Variants in GABRB2 observed in about 807,000 individuals in gnomAD.
GABRB2 encodes gamma-aminobutyric acid receptor subunit beta-2.
GABRB2 carries 16 observed loss-of-function variants against 54.7 expected under a neutral mutation model. The observed-to-expected ratio is 0.29, with a 90% CI of 0.20 to 0.44. The LOEUF (loss-of-function observed/expected upper bound fraction) is 0.44. GABRB2 is among the 20% of genes least tolerant of loss of function. The pLI is 1.00. For synonymous variants in GABRB2, 244 were observed against 233.8 expected (o/e 1.04, Z -0.40); for missense variants, 355 against 644.0 (o/e 0.55, Z 4.86).
chr5:161,495,671 G>C (rs184592443), intron 3 of GABRB2, among the ~76,000 whole-genome samples: 21 of 152,120 alleles, frequency 1.4e-4, no homozygotes, highest in African/African-American at 4.8e-4. Context: ...AGATTTCTTT[G>C]CTAGTATTTG....
chr5:161,355,538 ATTGT>A lies in GABRB2; in HGVS notation c.542-18773_542-18770del, dbSNP rs374101861. Among the ~76,000 whole-genome samples, 1,168 of 151,990 alleles carry A rather than the reference ATTGT, an allele frequency of 7.7e-3. 15 individuals are homozygous for A. The highest frequency in any genetic ancestry group is 0.02 in the Middle Eastern group (6 of 294). ...ATTGCATATATATAACATCTGTGAC[ATTGT>A]TTGGAGGACAGTAGGTGCCTCATAA... is the stretch of plus-strand genomic sequence containing the variant. On this transcript the variant is annotated intron_variant, in intron 5 of 9. Transcript: ENST00000393959.
intron 5 of GABRB2, among the ~76,000 whole-genome samples, chr5:161,365,684 G>A (rs1307933834): frequency 2.0e-5 from 3 of 152,078 alleles, no homozygotes; most frequent in Non-Finnish European, 4.4e-5. Flanking sequence ...TAAGATATCT[G>A]CTCCAATCAA....
At chr5:161,400,373 G>A (rs545771374) in intron 5 of GABRB2, among the ~76,000 whole-genome samples, 3 of 152,224 alleles carry the variant, frequency 2.0e-5, no homozygotes, top group Non-Finnish European at 2.9e-5. Context: ...GCAGGATGAC[G>A]GCATTGCTGG....
At chr5:161,358,053 TAAG>T (rs1288713716) in intron 5 of GABRB2, among the ~76,000 whole-genome samples, 1 of 152,186 alleles carries the variant, frequency 6.6e-6, no homozygotes, top group African/African-American at 2.4e-5. Flanking sequence ...GAATGCAGAT[TAAG>T]AAGAAGACCA....
At chr5:161,518,813 T>C (rs531446675) in intron 3 of GABRB2, among the ~76,000 whole-genome samples, 4 of 152,304 alleles carry the variant, frequency 2.6e-5, no homozygotes, top group East Asian at 1.9e-4. Context: ...AAAAGACATA[T>C]GACAAACTGC....
intron 5 of GABRB2, among the ~76,000 whole-genome samples, chr5:161,381,275 C>T (rs1360955383): frequency 6.6e-6 from 1 of 152,164 alleles, no homozygotes; most frequent in African/African-American, 2.4e-5. Context: ...GTGTAACACA[C>T]TGAGTATAAC....
intron 3 of GABRB2, among the ~76,000 whole-genome samples, chr5:161,511,417 G>A (rs1007790904): frequency 9.9e-5 from 15 of 151,942 alleles, no homozygotes; most frequent in African/African-American, 3.6e-4. Context: ...CACATAAACT[G>A]TTCTTATTAA....
intron 9 of GABRB2, among the ~76,000 whole-genome samples, chr5:161,305,557 T>C (rs1757666008): frequency 6.6e-6 from 1 of 152,158 alleles, no homozygotes; most frequent in African/African-American, 2.4e-5. Flanking sequence ...CTTGTTCTAG[T>C]TTAATTTTCA....
intron 3 of GABRB2, among the ~76,000 whole-genome samples, chr5:161,526,139 A>G (rs1052984043): frequency 6.6e-5 from 10 of 151,474 alleles, no homozygotes; most frequent in African/African-American, 1.9e-4. Flanking sequence ...ATATTTTGAG[A>G]TAATTTCTGG....
rs572205273 is a variant in GABRB2, at chr5:161,358,173, A to C, written c.542-21404T>G. ...AAGTAAGGTAAGAAGGAAACCTATT[A>C]AGAGTATGGTCAATAAAATCAAAGA... On this transcript the variant is annotated intron_variant, in intron 5 of 9. Coordinates refer to ENST00000393959, the MANE Select transcript of GABRB2 (RefSeq NM_001371727.1). Among the ~76,000 whole-genome samples the C allele has an allele frequency of 3.3e-5, 5 of 152,330 alleles. No homozygotes were observed. The East Asian group carries it at 9.6e-4, about 29-fold the overall frequency.
At chr5:161,362,757 C>T (rs1404495847) in intron 5 of GABRB2, among the ~76,000 whole-genome samples, 2 of 151,998 alleles carry the variant, frequency 1.3e-5, no homozygotes, top group African/African-American at 2.4e-5. Context: ...ATTTATGCAG[C>T]CAACAAACAT....
At chr5:161,435,502 A>T (rs1238304953) in intron 4 of GABRB2, among the ~76,000 whole-genome samples, 1 of 152,172 alleles carries the variant, frequency 6.6e-6, no homozygotes, top group African/African-American at 2.4e-5. Context: ...TAATTATAGG[A>T]TATTTTTTTC....
intron 5 of GABRB2, among the ~76,000 whole-genome samples, chr5:161,407,271 G>A (rs564229152): frequency 6.6e-6 from 1 of 152,164 alleles, no homozygotes; most frequent in South Asian, 2.1e-4. Flanking sequence ...ATACAGCAGA[G>A]TATCCCCCTG....
At chr5:161,431,183 G>T (rs768839944) in intron 4 of GABRB2, among the ~76,000 whole-genome samples, 7 of 152,038 alleles carry the variant, frequency 4.6e-5, no homozygotes, top group Non-Finnish European at 8.8e-5. Flanking sequence ...AGATTAAAAT[G>T]CCTGTTTTAT....
intron 3 of GABRB2, among the ~76,000 whole-genome samples, chr5:161,495,422 T>A (rs747302145): frequency 6.6e-6 from 1 of 152,012 alleles, no homozygotes; most frequent in Admixed American, 6.6e-5. Flanking sequence ...AAGTGAATGG[T>A]TTAATGCCAT....
At position 161,380,649 on chromosome 5, in the gene GABRB2, G is replaced by A. The variant is rs140469477; in HGVS notation, c.541+30326C>T. The stretch of plus-strand genomic sequence containing the variant: ...CTCTTGTGAAAAAAAAAAATCTGAC[G>A]TTTTAAAATTGAAGAGCTGAGAGTT... On this transcript the variant is annotated intron_variant, in intron 5 of 9. Coordinates refer to ENST00000393959, the MANE Select transcript of GABRB2 (RefSeq NM_001371727.1). 3.3e-3 allele frequency among the ~76,000 whole-genome samples: 508 copies of A among 152,152 alleles called. 10 individuals are homozygous for A. The highest frequency in any genetic ancestry group is 0.011 in the African/African-American group (472 of 41,526).
intron 5 of GABRB2, among the ~76,000 whole-genome samples, chr5:161,340,326 A>G (rs1754121489): frequency 6.6e-6 from 1 of 152,056 alleles, no homozygotes; most frequent in Admixed American, 6.6e-5. Context: ...TAAATTAATA[A>G]AACAATTATT....
intron 9 of GABRB2, among the ~76,000 whole-genome samples, chr5:161,295,500 T>C (rs1757357843): frequency 1.3e-5 from 2 of 152,076 alleles, no homozygotes; most frequent in Admixed American, 1.3e-4. Flanking sequence ...GATATACCAA[T>C]TACCAGTAAA....
At chr5:161,476,965 T>C (rs2962412) in intron 3 of GABRB2, among the ~76,000 whole-genome samples, 150,876 of 151,968 alleles carry the variant, frequency 0.99, 74,906 homozygotes, top group East Asian at 1. Context: ...GCATACCAAA[T>C]GAAACAATCA....
Sources: gnomAD v4.1 joint callset for allele counts (sites outside exome capture counted in the v4.1 genomes callset) on GRCh38, gnomAD v4.1.1 for gene constraint, MANE v1.5 for transcripts, NCBI Gene and HGNC (gene_info 2026-07-23, HGNC 2026-07-21) for gene names.